JMY: variants seen among roughly 807,000 people sequenced by gnomAD.
The protein encoded by JMY is junction mediating and regulatory protein, p53 cofactor, also known as junction-mediating and -regulatory protein.
A neutral mutation model predicts 103.3 loss-of-function variants in JMY; 46 were observed. The ratio of observed to expected loss-of-function variants is 0.45; its 90% CI spans 0.35 to 0.57. The LOEUF is 0.57. Ranked by LOEUF, JMY falls within the 20% of genes least tolerant of loss-of-function variation. The pLI, the probability that JMY is intolerant of heterozygous loss-of-function variation, is 0.00. For missense variants in JMY, 1,238 were observed against 1,255.2 expected, an observed-to-expected ratio of 0.99 and a Z score of 0.21; for synonymous variants, 526 against 489.3, an observed-to-expected ratio of 1.07 and a Z score of -0.99.
chr5:79,236,628 C>T lies in JMY; in HGVS notation c.-23C>T. ...GCGGGCCGGGCCGGCGGCCCTTCCC[C>T]GCGGCGAGAAGCCGGAGCCACCATG... On this transcript the variant is annotated 5_prime_UTR_variant, in exon 1 of 11. Coordinates refer to ENST00000396137, the MANE Select transcript of JMY (RefSeq NM_152405.5). 7.3e-7 allele frequency: 1 copy of T among 1,367,898 alleles called. No individual in the cohort carries two copies. Among genetic ancestry groups the T allele is most frequent in the Non-Finnish European group, 9.6e-7 (1 of 1,045,668 alleles). The allele number at this position is 1,367,898 out of a possible 1,614,324, so 84.7% of individuals were successfully genotyped here.
intron 10 of JMY, among the ~76,000 whole-genome samples, chr5:79,318,112 G>A (rs542775106): frequency 1.3e-5 from 2 of 151,956 alleles, no homozygotes; most frequent in East Asian, 1.9e-4. Flanking sequence ...AGTGAATCTC[G>A]TGCCTCAGCC....
intron 1 of JMY, among the ~76,000 whole-genome samples, chr5:79,244,163 G>C (rs571883923): frequency 6.6e-6 from 1 of 151,986 alleles, no homozygotes; most frequent in Non-Finnish European, 1.5e-5. Flanking sequence ...ACCACACCCA[G>C]CTAACTTTTG....
In JMY at chr5:79,300,748, C is replaced by T. The variant is rs527666699; in HGVS notation, c.1766C>T (p.Ala589Val). The change falls in exon 6 of 11, where the codon GCA (alanine) becomes GTA (valine). Residue 589 changes from alanine (A) to valine (V), a missense_variant. By Grantham distance (64) the Ala-to-Val change is moderately conservative. Coordinates refer to ENST00000396137, the MANE Select transcript of JMY (RefSeq NM_152405.5). ...GCCATGCTGGAGAAGGAAGAGATGG[C>T]AGCATCTGCGTACTTACAGAGAGAA... ...MEAMLEKEEM[A>V]ASAYLQREEL... is the part of the protein sequence containing the mutation. 19 of 1,611,790 alleles carry T rather than the reference C, an allele frequency of 1.2e-5. No homozygotes were observed. The highest frequency in any genetic ancestry group is 1.6e-5 in the Non-Finnish European group (19 of 1,179,182).
At chr5:79,263,337 G>A (rs935758715) in intron 1 of JMY, among the ~76,000 whole-genome samples, 2 of 152,184 alleles carry the variant, frequency 1.3e-5, no homozygotes, top group African/African-American at 4.8e-5. Context: ...CAGCTGCCGA[G>A]AAGACTCAGA....
intron 10 of JMY, among the ~76,000 whole-genome samples, chr5:79,318,179 T>A (rs1213221461): frequency 6.9e-6 from 1 of 145,136 alleles, no homozygotes; most frequent in Non-Finnish European, 1.6e-5. Flanking sequence ...TTTTTCTTTT[T>A]TTTTTTTGTA....
rs182337639 is a variant in JMY, at chr5:79,270,730, A to G, written c.1033-7180A>G. Among the ~76,000 whole-genome samples, 770 of 147,570 alleles carry G rather than the reference A, an allele frequency of 5.2e-3. 8 individuals carry two copies. The highest frequency in any genetic ancestry group is 0.019 in the African/African-American group (755 of 40,634). ...TATATTTATTATTATAAATATATATACACCATAAATACTTTCTCACCATTA... is the reference window on the plus strand; with the variant it reads ...TATATTTATTATTATAAATATATATGCACCATAAATACTTTCTCACCATTA... On this transcript the variant is annotated intron_variant, in intron 1 of 10. Coordinates refer to ENST00000396137, the MANE Select transcript of JMY (RefSeq NM_152405.5).
intron 1 of JMY, among the ~76,000 whole-genome samples, chr5:79,250,935 G>A (rs1745068296): frequency 1.3e-5 from 2 of 151,956 alleles, no homozygotes; most frequent in African/African-American, 2.4e-5. Flanking sequence ...AAAGTTAAAT[G>A]TGCCTTTAGG....
intron 2 of JMY, among the ~76,000 whole-genome samples, chr5:79,288,398 A>G (rs1746328951): frequency 6.6e-6 from 1 of 152,100 alleles, no homozygotes; most frequent in Non-Finnish European, 1.5e-5. Flanking sequence ...CTTCAAAGCC[A>G]TCTGCAGTTA....
chr5:79,300,922 T>C, intron 6 of JMY, 59 bp downstream of exon 6: 2 of 1,375,054 alleles, frequency 1.5e-6, no homozygotes, highest in Non-Finnish European at 2.0e-6. Context: ...ACTAATCTCA[T>C]CTGTTTTGTC....
intron 3 of JMY, among the ~76,000 whole-genome samples, chr5:79,290,792 C>T (rs1746394596): frequency 6.6e-6 from 1 of 152,060 alleles, no homozygotes; most frequent in African/African-American, 2.4e-5. Context: ...TCAAGACCAG[C>T]CTGGCCAAGA....
At position 79,284,788 on chromosome 5, in the gene JMY, A is replaced by G. The variant is rs113009417; in HGVS notation, c.1207-5333A>G. 4,532 of 1,576,124 alleles carry G rather than the reference A, an allele frequency of 2.9e-3. 85 individuals are homozygous for G. The African/African-American group carries it at 0.045, about 15-fold the overall frequency. On this transcript the variant is annotated intron_variant, in intron 2 of 10. Coordinates refer to ENST00000396137, the MANE Select transcript of JMY (RefSeq NM_152405.5). Reference sequence around the variant, plus strand: ...GGTCCTGGTGATGAGCATCTTTCCAATATTTCTTATATTGAACATAGCAGG... The same window carrying G: ...GGTCCTGGTGATGAGCATCTTTCCAGTATTTCTTATATTGAACATAGCAGG...
intron 1 of JMY, among the ~76,000 whole-genome samples, chr5:79,250,866 G>GT (rs1276266218): frequency 6.6e-6 from 1 of 151,586 alleles, no homozygotes; most frequent in African/African-American, 2.4e-5. Flanking sequence ...GTTTACTGTG[G>GT]TTTGGGGTAG....
At chr5:79,245,623 A>G (rs1038896793) in intron 1 of JMY, among the ~76,000 whole-genome samples, 1 of 151,944 alleles carries the variant, frequency 6.6e-6, no homozygotes. Flanking sequence ...GACCTGAGCA[A>G]CTTGGTTTTT....
chr5:79,319,324 G>C (rs376600935), intron 10 of JMY, among the ~76,000 whole-genome samples: 129 of 152,304 alleles, frequency 8.5e-4, no homozygotes, highest in Middle Eastern at 3.4e-3. Flanking sequence ...ACAATGTTGA[G>C]AGAGAAACAG....
chr5:79,309,532 AGAAAT>A (rs1030667795), intron 7 of JMY, among the ~76,000 whole-genome samples: 5 of 152,212 alleles, frequency 3.3e-5, no homozygotes, highest in African/African-American at 1.2e-4. Flanking sequence ...CTTAAATATC[AGAAAT>A]GCCAACATGA....
At chr5:79,289,022 G>A (rs1746347387) in intron 2 of JMY, among the ~76,000 whole-genome samples, 1 of 151,794 alleles carries the variant, frequency 6.6e-6, no homozygotes, top group East Asian at 1.9e-4. Context: ...ATCATTTGAG[G>A]TCAGGAGTTC....
chr5:79,265,236 T>C (rs534142115), intron 1 of JMY, among the ~76,000 whole-genome samples: 1 of 152,332 alleles, frequency 6.6e-6, no homozygotes, highest in Non-Finnish European at 1.5e-5. Flanking sequence ...AAAACTGTTT[T>C]AGATTCAAGA....
At chr5:79,274,203 C>G (rs1027985169) in intron 1 of JMY, among the ~76,000 whole-genome samples, 2 of 152,098 alleles carry the variant, frequency 1.3e-5, no homozygotes, top group Non-Finnish European at 2.9e-5. Flanking sequence ...GAACCATACT[C>G]TATACCCATA....
intron 1 of JMY, among the ~76,000 whole-genome samples, chr5:79,267,918 A>G (rs1437399622): frequency 6.6e-6 from 1 of 152,144 alleles, no homozygotes; most frequent in Admixed American, 6.5e-5. Context: ...TGATTTCTGG[A>G]TTAGGTGGTA....
Sources: gnomAD v4.1 joint callset for allele counts (sites outside exome capture counted in the v4.1 genomes callset) on GRCh38, gnomAD v4.1.1 for gene constraint, MANE v1.5 for transcripts, NCBI Gene and HGNC (gene_info 2026-07-23, HGNC 2026-07-21) for gene names.